The following SPPL3 variants were observed in gnomAD, a reference collection of about 807,000 sequenced individuals.
The protein encoded by SPPL3 is signal peptide peptidase like 3.
A neutral mutation model predicts 42.4 loss-of-function variants in SPPL3; 5 were observed. The observed-to-expected ratio is 0.12, with a 90% confidence interval of 0.06 to 0.25. The LOEUF is 0.25. SPPL3 is among the 10% of genes least tolerant of loss of function. SPPL3 has a pLI of 1.00. For synonymous variants in SPPL3, 195 were observed against 181.8 expected, an observed-to-expected ratio of 1.07 and a Z score of -0.58; for missense variants, 235 against 489.0, an observed-to-expected ratio of 0.48 and a Z score of 4.90.
chr12:120,826,292 CA>C (rs11341939), intron 1 of SPPL3, among the ~76,000 whole-genome samples: 40,360 of 118,332 alleles, frequency 0.34, 6,216 homozygotes, highest in East Asian at 0.43. Flanking sequence ...AAACTGTCTC[CA>C]AAAAAAAAAA....
Position 120,900,083 on chromosome 12 carries a change from T to A in SPPL3, c.23+3762A>T, listed in dbSNP as rs544513298. ...TTTTATTCTGAAAAATTTAAACATG[T>A]AAAAGTCAACAGAATAATAAACCTC... On this transcript the variant is annotated intron_variant, in intron 1 of 10. Coordinates refer to ENST00000353487, the MANE Select transcript of SPPL3 (RefSeq NM_139015.5). 7.0e-4 allele frequency among the ~76,000 whole-genome samples: 107 copies of A among 152,122 alleles called. 1 individual carries two copies. Among genetic ancestry groups the A allele is most frequent in the African/African-American group, 2.5e-3 (104 of 41,488 alleles).
chr12:120,900,015 A>T (rs1873926281), intron 1 of SPPL3, among the ~76,000 whole-genome samples: 1 of 152,118 alleles, frequency 6.6e-6, no homozygotes, highest in South Asian at 2.1e-4. Flanking sequence ...GAAGAGAGCA[A>T]GCACACGTGA....
chr12:120,806,001 C>CTTT lies in SPPL3; in HGVS notation c.101+4805_101+4807dup, dbSNP rs397710393. On this transcript the variant is annotated intron_variant, in intron 2 of 10. Coordinates refer to ENST00000353487, the MANE Select transcript of SPPL3 (RefSeq NM_139015.5). The stretch of plus-strand genomic sequence containing the variant: ...CAATGCCTATCGAAATCCCTGCAGG[C>CTTT]TTTTTTTTTTTTTTTTGGTAGAAAC... Among the ~76,000 whole-genome samples, 301 of 132,940 alleles carry CTTT rather than the reference C, an allele frequency of 2.3e-3. 5 individuals carry two copies. The highest frequency in any genetic ancestry group is 8.4e-3 in the East Asian group (39 of 4,620). 87.2% of individuals were successfully genotyped at this position (132,940 alleles called of 152,430 possible). A position where few individuals can be genotyped will look rare whatever the true frequency, so the allele number is the denominator to read the frequency against.
chr12:120,898,314 TAAAAAAAAAAAAA>T (rs869283065), intron 1 of SPPL3, among the ~76,000 whole-genome samples: 5 of 64,292 alleles, frequency 7.8e-5, no homozygotes, highest in African/African-American at 2.8e-4. Context: ...TTTTTTTTTT[TAAAAAAAAAAAAA>T]AAAAAAAAGA....
At chr12:120,870,171 T>C (rs1356157826) in intron 1 of SPPL3, among the ~76,000 whole-genome samples, 3 of 152,254 alleles carry the variant, frequency 2.0e-5, no homozygotes, top group African/African-American at 7.2e-5. Flanking sequence ...AAGGGCCAAG[T>C]GCAGTGGCTC....
intron 1 of SPPL3, among the ~76,000 whole-genome samples, chr12:120,830,606 A>AGAGAGAGAGAGAGAGAGAGAGAG (rs377406347): frequency 7.5e-4 from 93 of 124,620 alleles, no homozygotes; most frequent in East Asian, 1.7e-3. Flanking sequence ...AGAGAGAGAG[A>AGAGAGAGAGAGAGAGAGAGAGAG]AGGTGTACAT....
chr12:120,868,987 C>A (rs138271851), intron 1 of SPPL3, among the ~76,000 whole-genome samples: 2 of 152,124 alleles, frequency 1.3e-5, no homozygotes, highest in Admixed American at 1.3e-4. Context: ...TAAGTCTCTT[C>A]ATTATATTGA....
chr12:120,870,694 G>C (rs755911736), intron 1 of SPPL3, among the ~76,000 whole-genome samples: 1 of 152,100 alleles, frequency 6.6e-6, no homozygotes, highest in African/African-American at 2.4e-5. Context: ...CTACAACAGG[G>C]ATGAACCCTG....
At chr12:120,807,298 G>A (rs1041120184) in intron 2 of SPPL3, among the ~76,000 whole-genome samples, 2 of 151,680 alleles carry the variant, frequency 1.3e-5, no homozygotes, top group African/African-American at 4.8e-5. Context: ...GTCACCGAAG[G>A]GTACACTAAA....
intron 2 of SPPL3, among the ~76,000 whole-genome samples, chr12:120,800,435 G>A (rs746293700): frequency 6.6e-6 from 1 of 152,012 alleles, no homozygotes; most frequent in East Asian, 1.9e-4. Context: ...CCCGGGAGGT[G>A]GAGGTTGCAG....
chr12:120,778,742 T>C (rs951831830), intron 6 of SPPL3, among the ~76,000 whole-genome samples: 4 of 151,794 alleles, frequency 2.6e-5, no homozygotes, highest in Admixed American at 1.3e-4. Context: ...ACTAACTAAC[T>C]TGACACACAG....
chr12:120,892,433 T>C (rs1432530983), intron 1 of SPPL3, among the ~76,000 whole-genome samples: 3 of 152,130 alleles, frequency 2.0e-5, no homozygotes, highest in Admixed American at 6.6e-5. Context: ...GGGGAAAACA[T>C]TGCAGTCAGA....
At chr12:120,802,909 T>C (rs1408626882) in intron 2 of SPPL3, among the ~76,000 whole-genome samples, 1 of 152,238 alleles carries the variant, frequency 6.6e-6, no homozygotes, top group Non-Finnish European at 1.5e-5. Context: ...TTGGCAAAAC[T>C]GCTTTTGCTG....
At position 120,852,256 on chromosome 12, in the gene SPPL3, G is replaced by A. The variant is rs1043664405; in HGVS notation, c.24-41370C>T. 7.3e-5 allele frequency among the ~76,000 whole-genome samples: 11 copies of A among 150,694 alleles called. No individual in the cohort carries two copies. The South Asian group carries it at 8.3e-4, about 11-fold the overall frequency. The stretch of plus-strand genomic sequence containing the variant: ...TTTAGGAAACTCCCAGTTTGTCATC[G>A]CACATAGTTACATGCCAATTTGACA... On this transcript the variant is annotated intron_variant, in intron 1 of 10. Transcript: ENST00000353487.
chr12:120,895,358 T>C (rs1200877660), intron 1 of SPPL3, among the ~76,000 whole-genome samples: 1 of 150,038 alleles, frequency 6.7e-6, no homozygotes, highest in Non-Finnish European at 1.5e-5. Flanking sequence ...ACCCAGGAGG[T>C]AGAGGTTGCA....
chr12:120,792,696 C>CCA (rs1869961560), intron 2 of SPPL3, among the ~76,000 whole-genome samples: 4 of 71,770 alleles, frequency 5.6e-5, no homozygotes, highest in Non-Finnish European at 1.2e-4. Flanking sequence ...GAGACTGTCT[C>CCA]AAAAAAAAAA....
intron 1 of SPPL3, among the ~76,000 whole-genome samples, chr12:120,812,285 C>T (rs1870710963): frequency 6.6e-6 from 1 of 152,024 alleles, no homozygotes; most frequent in African/African-American, 2.4e-5. Flanking sequence ...CAGGCATGCA[C>T]CACACCTGGC....
At chr12:120,815,707 G>A (rs1276686491) in intron 1 of SPPL3, among the ~76,000 whole-genome samples, 2 of 152,024 alleles carry the variant, frequency 1.3e-5, no homozygotes, top group Non-Finnish European at 2.9e-5. Flanking sequence ...CAGACTTCTG[G>A]AAGTCTGGAA....
At chr12:120,846,137 A>T (rs1566059103) in intron 1 of SPPL3, among the ~76,000 whole-genome samples, 1 of 151,700 alleles carries the variant, frequency 6.6e-6, no homozygotes, top group Non-Finnish European at 1.5e-5. Context: ...CATTACTGAT[A>T]TTTTTTTTAG....
Sources: gnomAD v4.1 joint callset for allele counts (sites outside exome capture counted in the v4.1 genomes callset) on GRCh38, gnomAD v4.1.1 for gene constraint, MANE v1.5 for transcripts, NCBI Gene and HGNC (gene_info 2026-07-23, HGNC 2026-07-21) for gene names.